HOOK3: variants seen among roughly 807,000 people sequenced by gnomAD.
The protein encoded by HOOK3 is protein Hook homolog 3.
Under a neutral mutation model 116.3 loss-of-function variants are expected in HOOK3, and 24 were observed. That is an observed-to-expected ratio of 0.21 (90% CI 0.15 to 0.29). HOOK3 has a LOEUF of 0.29. Ranked by LOEUF, HOOK3 falls within the 10% of genes least tolerant of loss-of-function variation. The probability of loss-of-function intolerance (pLI) is 1.00; values close to 1 mark genes in which losing one functional copy is unlikely to be tolerated. For missense variants in HOOK3, 632 were observed against 830.2 expected (o/e 0.76, Z 2.93); for synonymous variants, 275 against 283.0 (o/e 0.97, Z 0.28).
chr8:42,994,893 G>A (rs778919056), intron 15 of HOOK3, among the ~76,000 whole-genome samples: 1 of 152,188 alleles, frequency 6.6e-6, no homozygotes, highest in Non-Finnish European at 1.5e-5. Context: ...CGCCTAGTTG[G>A]CTTACAGTAT....
intron 2 of HOOK3, among the ~76,000 whole-genome samples, chr8:42,918,265 G>A (rs751962548): frequency 6.6e-5 from 10 of 152,100 alleles, no homozygotes; most frequent in Non-Finnish European, 1.2e-4. Flanking sequence ...TTGAACCCAG[G>A]AGGCGGAGGT....
At chr8:42,942,135 G>A (rs968882609) in intron 4 of HOOK3, among the ~76,000 whole-genome samples, 2 of 152,162 alleles carry the variant, frequency 1.3e-5, no homozygotes, top group Admixed American at 6.5e-5. Context: ...GCACACGCCT[G>A]TAATCCCAGC....
At chr8:42,908,613 G>A (rs1341066424) in intron 2 of HOOK3, among the ~76,000 whole-genome samples, 1 of 152,228 alleles carries the variant, frequency 6.6e-6, no homozygotes, top group African/African-American at 2.4e-5. Flanking sequence ...TCTACATGCA[G>A]AAGAATAAAG....
intron 1 of HOOK3, among the ~76,000 whole-genome samples, chr8:42,902,383 C>T (rs1807208922): frequency 6.6e-6 from 1 of 151,708 alleles, no homozygotes; most frequent in Admixed American, 6.6e-5. Flanking sequence ...GTGATCCTCC[C>T]ACCTCCGCCT....
chr8:42,897,040 G>T lies in HOOK3; in HGVS notation c.-92G>T. On this transcript the variant is annotated 5_prime_UTR_variant, in exon 1 of 22. Transcript: ENST00000307602. ...GATCCGAGGAGCAGGCGGGCCTGAG[G>T]CCGAGTCAGCTGCGCGGGCCCCCGG... The T allele has an allele frequency of 9.9e-7, 1 of 1,014,100 alleles. No homozygotes were observed. Among genetic ancestry groups the T allele is most frequent in the Non-Finnish European group, 1.3e-6 (1 of 786,292 alleles). 62.8% of individuals were successfully genotyped at this position (1,014,100 alleles called of 1,614,324 possible). A position where few individuals can be genotyped will look rare whatever the true frequency, so the allele number is the denominator to read the frequency against.
At chr8:43,011,390 A>G (rs938179881) in intron 19 of HOOK3, among the ~76,000 whole-genome samples, 1 of 152,114 alleles carries the variant, frequency 6.6e-6, no homozygotes, top group Non-Finnish European at 1.5e-5. Context: ...GTTATGCATT[A>G]TGAGGCCTGA....
intron 1 of HOOK3, among the ~76,000 whole-genome samples, chr8:42,900,793 T>C (rs147857483): frequency 6.6e-6 from 1 of 152,368 alleles, no homozygotes; most frequent in East Asian, 1.9e-4. Flanking sequence ...TATTTAACTT[T>C]ATGTTTGCTA....
chr8:42,899,750 C>G (rs932052230), intron 1 of HOOK3, among the ~76,000 whole-genome samples: 1 of 152,200 alleles, frequency 6.6e-6, no homozygotes, highest in Non-Finnish European at 1.5e-5. Context: ...AGGTGACTGA[C>G]ACTCAGCAAA....
At chr8:42,991,848 C>T (rs1291509639) in intron 15 of HOOK3, among the ~76,000 whole-genome samples, 1 of 152,082 alleles carries the variant, frequency 6.6e-6, no homozygotes, top group Non-Finnish European at 1.5e-5. Context: ...CTTTGCCTCC[C>T]TAAGAGCTAG....
chr8:42,911,159 G>C (rs1375008658), intron 2 of HOOK3, among the ~76,000 whole-genome samples: 2 of 152,162 alleles, frequency 1.3e-5, no homozygotes, highest in South Asian at 2.1e-4. Flanking sequence ...TTTATTCTAA[G>C]AGCTGTAAGA....
rs1219684693 is a variant in HOOK3 at position 42,963,433 on chromosome 8, T to G, written c.616-878T>G. ...TTTGCTTGTTGGCAAACGTTTGGAT[T>G]GTTTCCAGTTTTCTTCTATTACAAA... On this transcript the variant is annotated intron_variant, in intron 8 of 21. Transcript: ENST00000307602. Among the ~76,000 whole-genome samples, 4 of 152,238 alleles carry G rather than the reference T, an allele frequency of 2.6e-5. No individual in the cohort carries two copies. In the South Asian group the frequency reaches 8.3e-4, roughly 31 times the overall value.
chr8:43,006,026 T>TTATG (rs1809479890), intron 17 of HOOK3, among the ~76,000 whole-genome samples: 1 of 145,522 alleles, frequency 6.9e-6, no homozygotes, highest in Non-Finnish European at 1.5e-5. Context: ...ATTTATTTAT[T>TTATG]TTTATTTATT....
At position 42,968,125 on chromosome 8, in the gene HOOK3, A is replaced by T; in HGVS notation, c.1033A>T (p.Thr345Ser). The change falls in exon 11 of 22, where the codon ACC (threonine) becomes TCC (serine). Residue 345 changes from threonine to serine, a missense_variant. By Grantham distance (58) the Thr-to-Ser change is moderately conservative (BLOSUM62 1). This residue lies in a region of HOOK3 where 483 missense variants were observed against 648.1 expected (regional missense o/e 0.75). Transcript: ENST00000307602. ...GGTTAAACTCTTAGAAGAGAAGAAT[A>T]CCATGTATATGCAGAATACTGTCAG... Reference protein sequence around the residue: ...RQVKLLEEKNTMYMQNTVSLE... With the variant: ...RQVKLLEEKNSMYMQNTVSLE... The T allele has an allele frequency of 2.5e-6, 4 of 1,613,174 alleles. No individual in the cohort carries two copies. Among genetic ancestry groups the T allele is most frequent in the Non-Finnish European group, 3.4e-6 (4 of 1,179,126 alleles).
chr8:42,910,889 A>G (rs765692729), intron 2 of HOOK3, among the ~76,000 whole-genome samples: 9 of 152,238 alleles, frequency 5.9e-5, no homozygotes, highest in Non-Finnish European at 1.3e-4. Flanking sequence ...CAATGTTACG[A>G]AAGTTTACAC....
intron 5 of HOOK3, among the ~76,000 whole-genome samples, chr8:42,944,741 C>T (rs900943299): frequency 2.6e-5 from 4 of 152,122 alleles, no homozygotes; most frequent in East Asian, 1.9e-4. Context: ...ATCACTTGAA[C>T]CTGGGAGGCG....
Position 43,010,398 on chromosome 8 carries a change from C to T in HOOK3, c.1832C>T (p.Ala611Val). The change falls in exon 19 of 22, where the codon GCC becomes GTC. Residue 611 changes from alanine to valine, a missense_variant. Ala to Val is a moderately conservative substitution (Grantham distance 64). Coordinates refer to ENST00000307602, the MANE Select transcript of HOOK3 (RefSeq NM_032410.4). ...EERYKKYLEK[A>V]KSVIRTLDPK... ...CGATACAAAAAATACTTAGAGAAAG[C>T]CAAAAGTGTAAGTATGAATTTTGTA... The T allele has an allele frequency of 2.2e-6, 3 of 1,373,616 alleles. No individual in the cohort carries two copies. Among genetic ancestry groups the T allele is most frequent in the Non-Finnish European group, 2.9e-6 (3 of 1,018,776 alleles). 85.1% of individuals were successfully genotyped at this position (1,373,616 alleles called of 1,614,324 possible). A position where few individuals can be genotyped will look rare whatever the true frequency, so the allele number is the denominator to read the frequency against.
intron 6 of HOOK3, among the ~76,000 whole-genome samples, chr8:42,954,639 C>T (rs1808402298): frequency 6.6e-6 from 1 of 152,174 alleles, no homozygotes; most frequent in Admixed American, 6.5e-5. Context: ...CTATTATTTG[C>T]ATATTCATTT....
rs140588505 is a variant in HOOK3, at chr8:42,973,284, A to G, written c.1123-5A>G. 2.3e-3 allele frequency: 3,649 copies of G among 1,602,850 alleles called. 132 individuals are homozygous for G. The Admixed American group carries it at 0.061, about 27-fold the overall frequency. Reference sequence around the variant, plus strand: ...TGTATAAGTAATGGTATCTTTCTGTATCAGGTAGTAGAACTACAAAACAGA... The same window carrying G: ...TGTATAAGTAATGGTATCTTTCTGTGTCAGGTAGTAGAACTACAAAACAGA... On this transcript the variant is annotated splice_polypyrimidine_tract_variant and splice_region_variant and intron_variant, in intron 11 of 21. Transcript: ENST00000307602.
rs35656895 is a variant in HOOK3 at position 43,022,085 on chromosome 8, T to TAAA, written c.*3605_*3607dup. 8,802 of 144,842 alleles carry TAAA rather than the reference T, an allele frequency of 0.061. 320 individuals are homozygous for TAAA. Among genetic ancestry groups the TAAA allele is most frequent in the South Asian group, 0.1 (403 of 3,890 alleles). The allele number at this position is 144,842 out of a possible 1,614,324, so 9.0% of individuals were successfully genotyped here. Reference sequence around the variant, plus strand: ...TGTTTAAAAACAAAACAGGCTGTTGTAAAAAAAAAAAAAAAAAAAACTTCT... The same window carrying TAAA: ...TGTTTAAAAACAAAACAGGCTGTTGTAAAAAAAAAAAAAAAAAAAAAAACTTCT... On this transcript the variant is annotated 3_prime_UTR_variant, in exon 22 of 22. Coordinates refer to ENST00000307602, the MANE Select transcript of HOOK3 (RefSeq NM_032410.4).
Sources: allele counts gnomAD v4.1 joint callset (sites outside exome capture counted in the v4.1 genomes callset), GRCh38; gene constraint gnomAD v4.1.1; regional missense constraint gnomAD v4.1.1; transcripts MANE v1.5; gene names NCBI Gene and HGNC (gene_info 2026-07-23, HGNC 2026-07-21).